Variants in CAPN10 observed in about 807,000 individuals in gnomAD.
CAPN10 encodes calpain-10.
A neutral mutation model predicts 78.4 loss-of-function variants in CAPN10; 71 were observed. That is an observed-to-expected ratio of 0.91 (90% CI 0.75 to 1.10). CAPN10 has a LOEUF of 1.10. Ranked by LOEUF, CAPN10 falls within the 50% of genes least tolerant of loss-of-function variation. The pLI is 0.00. For synonymous variants in CAPN10, 437 were observed against 407.2 expected (o/e 1.07, Z -0.88); for missense variants, 849 against 924.6 (o/e 0.92, Z 1.06).
At chr2:240,595,735 G>A (rs943564591) in intron 7 of CAPN10, among the ~76,000 whole-genome samples, 3 of 152,248 alleles carry the variant, frequency 2.0e-5, no homozygotes, top group African/African-American at 7.2e-5. Context: ...CTCTTCCCCT[G>A]CAAGACGGGG....
At chr2:240,594,925 AGCT>A in intron 6 of CAPN10, 96 bp from the exon 7 acceptor site, 1 of 1,213,398 alleles carries the variant, frequency 8.2e-7, no homozygotes, top group Non-Finnish European at 1.1e-6. Context: ...CTGTGGCCGT[AGCT>A]GCTGCTTAGA....
At position 240,598,791 on chromosome 2, in the gene CAPN10, C is replaced by T; in HGVS notation, c.*111C>T. 3 of 1,079,114 alleles carry T rather than the reference C, an allele frequency of 2.8e-6. No homozygotes were observed. The highest frequency in any genetic ancestry group is 2.7e-5 in the South Asian group (2 of 73,476). 66.8% of individuals were successfully genotyped at this position (1,079,114 alleles called of 1,614,324 possible). ...GTGGGGGCTGGTCCTGAGTCTTGGC[C>T]TGCCTCCCAGCCCTGCCAGGAGGCT... is the stretch of plus-strand genomic sequence containing the variant. On this transcript the variant is annotated 3_prime_UTR_variant, in exon 12 of 12. Coordinates refer to ENST00000391984, the MANE Select transcript of CAPN10 (RefSeq NM_023083.4).
Position 240,595,083 on chromosome 2 carries a change from G to A in CAPN10, c.1057G>A (p.Gly353Arg), listed in dbSNP as rs761439895. 1.4e-5 allele frequency: 22 copies of A among 1,613,630 alleles called. No homozygotes were observed. Among genetic ancestry groups the A allele is most frequent in the Non-Finnish European group, 1.7e-5 (20 of 1,180,026 alleles). ...GGCCTGGGTCAAGGGCCAGTCAGCA[G>A]GAGGCTGCCGGAACAACAGCGGCTT... ...PGAWVKGQSA[G>R]GCRNNSGFPS... Residue 353 changes from glycine to arginine, a missense_variant, in exon 7 of 12, where the codon GGA (glycine) becomes AGA (arginine). Transcript: ENST00000391984.
chr2:240,596,218 T>G, intron 7 of CAPN10, 101 bp from the exon 8 acceptor site: 13 of 1,480,380 alleles, frequency 8.8e-6, no homozygotes, highest in Non-Finnish European at 1.2e-5. Flanking sequence ...CGCTTTCATC[T>G]GTCAACTCCA....
At chr2:240,590,743 G>A (rs1233183184) in intron 2 of CAPN10, 72 bp from the exon 3 acceptor site, 1 of 1,451,582 alleles carries the variant, frequency 6.9e-7, no homozygotes, top group Non-Finnish European at 9.5e-7. Flanking sequence ...CCACACCGCG[G>A]CCGGGACACT....
chr2:240,589,307 G>A (rs924116181), intron 1 of CAPN10, 36 bp from the exon 2 acceptor site: 2 of 1,613,836 alleles, frequency 1.2e-6, no homozygotes, highest in Admixed American at 1.7e-5. Context: ...TCCACAGCAG[G>A]CATGATCTAA....
chr2:240,596,006 G>C (rs2093134128), intron 7 of CAPN10: 2 of 1,443,604 alleles, frequency 1.4e-6, no homozygotes, highest in Non-Finnish European at 1.9e-6. Context: ...CTTTCCTCTT[G>C]CAAAAGAAGT....
chr2:240,589,617 C>T (rs1287580417), intron 2 of CAPN10, 143 bp downstream of exon 2: 5 of 1,095,604 alleles, frequency 4.6e-6, no homozygotes, highest in East Asian at 2.5e-5. Flanking sequence ...CAGGAGAGTT[C>T]CAAGGCAGAG....
Position 240,594,529 on chromosome 2 carries a change from G to A in CAPN10, c.831-14G>A, listed in dbSNP as rs533907687. The A allele has an allele frequency of 4.4e-6, 7 of 1,608,316 alleles. No individual in the cohort carries two copies. Among genetic ancestry groups the A allele is most frequent in the African/African-American group, 2.7e-5 (2 of 74,904 alleles). ...TCTCGGGAGGGGCTTCTGCTGAGAT[G>A]AGGTTTCTTCCAGGGGTGAAGGGTG... On this transcript the variant is annotated splice_polypyrimidine_tract_variant and intron_variant, in intron 5 of 11. Coordinates refer to ENST00000391984, the MANE Select transcript of CAPN10 (RefSeq NM_023083.4).
In CAPN10 at chr2:240,595,203, G is replaced by T; in HGVS notation, c.1177G>T (p.Ala393Ser). The T allele has an allele frequency of 6.2e-7, 1 of 1,613,728 alleles. No individual in the cohort carries two copies. Among genetic ancestry groups the T allele is most frequent in the Non-Finnish European group, 8.5e-7 (1 of 1,180,020 alleles). Residue 393 changes from alanine (A) to serine (S), a missense_variant, in exon 7 of 12, where the codon GCA (alanine) becomes TCA (serine). Transcript: ENST00000391984. ...ATCCAGGCTGCACGCGGCGGACTGG[G>T]CAGGCCGGGCCCGGGCACTGGTGGG... The part of the protein sequence containing the change: ...QRSRLHAADW[A>S]GRARALVGDS...
In CAPN10 at chr2:240,598,421, C is replaced by T. The variant is rs148619033; in HGVS notation, c.1989+24C>T. On this transcript the variant is annotated intron_variant, in intron 11 of 11. Transcript: ENST00000391984. ...AGGTGTGTATGCAGCCCCGCCAGCC[C>T]GGCTCACCTGCCTGGGGCTGCCTGG... 549 of 1,613,140 alleles carry T rather than the reference C, an allele frequency of 3.4e-4. 2 individuals carry two copies. The African/African-American group carries it at 5.9e-3, about 17-fold the overall frequency.
chr2:240,592,101 C>T lies in CAPN10; in HGVS notation c.639C>T (p.His213=), dbSNP rs766089057. Residue 213 remains histidine (H), a synonymous_variant, in exon 4 of 12, where the codon CAC becomes CAT. Transcript: ENST00000391984. Reference sequence around the variant, plus strand: ...ACAGGACTTGTCGGCAGCTGCTCCACCTGAAGGACCAGTGTCTGATCAGCT... The same window carrying T: ...ACAGGACTTGTCGGCAGCTGCTCCATCTGAAGGACCAGTGTCTGATCAGCT... ...WEHRTCRQLL[H]LKDQCLISCC... The T allele has an allele frequency of 1.4e-5, 22 of 1,591,128 alleles. 1 individual carries two copies. In the South Asian group the frequency reaches 1.7e-4, roughly 12 times the overall value.
intron 1 of CAPN10, among the ~76,000 whole-genome samples, chr2:240,588,808 AG>A (rs2093083653): frequency 6.6e-6 from 1 of 151,970 alleles, no homozygotes; most frequent in Admixed American, 6.6e-5. Flanking sequence ...CTGCCCGGGG[AG>A]CTGGAAGGGA....
Position 240,599,054 on chromosome 2 carries a change from T to C in CAPN10, c.*374T>C. ...TCTTTATAACTATTTATTGTTCGAATCACTTTTAGGATGTAACTTTATAAA... is the reference window on the plus strand; with the variant it reads ...TCTTTATAACTATTTATTGTTCGAACCACTTTTAGGATGTAACTTTATAAA... On this transcript the variant is annotated 3_prime_UTR_variant, in exon 12 of 12. Transcript: ENST00000391984. The C allele has an allele frequency of 3.2e-6, 1 of 316,680 alleles. No individual in the cohort carries two copies. The highest frequency in any genetic ancestry group is 5.9e-6 in the Non-Finnish European group (1 of 169,970). The allele number at this position is 316,680 out of a possible 1,614,324, so 19.6% of individuals were successfully genotyped here. A position where few individuals can be genotyped will look rare whatever the true frequency, so the allele number is the denominator to read the frequency against.
Position 240,587,025 on chromosome 2 carries a change from C to G in CAPN10, c.114C>G (p.Arg38=). The G allele has an allele frequency of 6.9e-7, 1 of 1,458,148 alleles. No individual in the cohort carries two copies. 90.3% of individuals were successfully genotyped at this position (1,458,148 alleles called of 1,614,324 possible). A position where few individuals can be genotyped will look rare whatever the true frequency, so the allele number is the denominator to read the frequency against. The part of the protein sequence containing the change: ...CDLSTPLAQF[R]EDITWRRPQE... ...TGTCTACGCCGCTGGCCCAGTTCCGCGAGGACATCACGTGGAGGCGGCCCC... is the reference window on the plus strand; with the variant it reads ...TGTCTACGCCGCTGGCCCAGTTCCGGGAGGACATCACGTGGAGGCGGCCCC... Residue 38 remains arginine (R), a synonymous_variant, in exon 1 of 12, where the codon CGC becomes CGG. Coordinates refer to ENST00000391984, the MANE Select transcript of CAPN10 (RefSeq NM_023083.4).
intron 9 of CAPN10, among the ~76,000 whole-genome samples, 166 bp downstream of exon 9, chr2:240,597,108 A>G (rs73001807): frequency 0.034 from 5,224 of 152,150 alleles, 131 homozygotes; most frequent in South Asian, 0.054. Flanking sequence ...CCCATCTCCA[A>G]CCTCTCAGAG....
At chr2:240,593,395 T>C (rs2093115521) in intron 4 of CAPN10, among the ~76,000 whole-genome samples, 1 of 152,224 alleles carries the variant, frequency 6.6e-6, no homozygotes, top group Non-Finnish European at 1.5e-5. Flanking sequence ...TTTGGCTCTT[T>C]CTTTTCTATG....
At chr2:240,590,786 C>A in intron 2 of CAPN10, 29 bp from the exon 3 acceptor site, 2 of 1,607,414 alleles carry the variant, frequency 1.2e-6, no homozygotes, top group South Asian at 1.1e-5. Context: ...ATATCACGCT[C>A]GCCTTTTGCT....
At position 240,599,040 on chromosome 2, in the gene CAPN10, A is replaced by G. The variant is rs550116517; in HGVS notation, c.*360A>G. 19 of 358,696 alleles carry G rather than the reference A, an allele frequency of 5.3e-5. No homozygotes were observed. Among genetic ancestry groups the G allele is most frequent in the African/African-American group, 3.6e-4 (18 of 49,366 alleles). The allele number at this position is 358,696 out of a possible 1,614,324, so 22.2% of individuals were successfully genotyped here. On this transcript the variant is annotated 3_prime_UTR_variant, in exon 12 of 12. Coordinates refer to ENST00000391984, the MANE Select transcript of CAPN10 (RefSeq NM_023083.4). Reference sequence around the variant, plus strand: ...AGGGCAGCAGATCTTCTTTATAACTATTTATTGTTCGAATCACTTTTAGGA... The same window carrying G: ...AGGGCAGCAGATCTTCTTTATAACTGTTTATTGTTCGAATCACTTTTAGGA...
Sources: allele counts gnomAD v4.1 joint callset (sites outside exome capture counted in the v4.1 genomes callset), GRCh38; gene constraint gnomAD v4.1.1; transcripts MANE v1.5; gene names NCBI Gene and HGNC (gene_info 2026-07-23, HGNC 2026-07-21).